The following TRAPPC4 variants were observed in gnomAD, a reference collection of about 807,000 sequenced individuals.
The protein encoded by TRAPPC4 is TRS23 homolog.
Under a neutral mutation model 23.5 loss-of-function variants are expected in TRAPPC4, and 30 were observed. The observed-to-expected ratio is 1.28, with a 90% CI of 0.96 to 1.73. The LOEUF (loss-of-function observed/expected upper bound fraction) is 1.73. TRAPPC4 is among the 40% of genes most tolerant of loss of function. TRAPPC4 has a pLI of 0.00. For synonymous variants in TRAPPC4, 129 were observed against 105.3 expected (o/e 1.23, Z -1.38); for missense variants, 252 against 268.9 (o/e 0.94, Z 0.44).
intron 2 of TRAPPC4, chr11:119,019,602 C>A (rs1183111822): frequency 8.2e-6 from 3 of 365,564 alleles, no homozygotes; most frequent in East Asian, 1.2e-4. Flanking sequence ...CCACCACGAC[C>A]AGCTAATTTT....
At position 119,024,029 on chromosome 11, in the gene TRAPPC4, CAA is replaced by C. The variant is rs55751043; in HGVS notation, c.*632_*633del. The stretch of plus-strand genomic sequence containing the variant: ...AAGAGATTTAGCAGACTTTCTGCCT[CAA>C]AGTTTCCAAGCTAGTTACTGACAGT... On this transcript the variant is annotated 3_prime_UTR_variant, in exon 5 of 5. Coordinates refer to ENST00000533632, the MANE Select transcript of TRAPPC4 (RefSeq NM_016146.6). The C allele has an allele frequency of 0.033, 5,106 of 152,792 alleles. 162 individuals are homozygous for C. The highest frequency in any genetic ancestry group is 0.072 in the African/African-American group (3,001 of 41,558). 9.5% of individuals were successfully genotyped at this position (152,792 alleles called of 1,614,324 possible).
At chr11:119,020,490 C>T (rs1322722386) in intron 3 of TRAPPC4, 3 of 397,038 alleles carry the variant, frequency 7.6e-6, no homozygotes, top group Non-Finnish European at 1.4e-5. Flanking sequence ...GCATGATCCG[C>T]CCCCTGGGTT....
rs1180500800 is a variant in TRAPPC4 at position 119,020,703 on chromosome 11, C to CTT, written c.454+469_454+470dup. ...GAGCCACCACACCCGACCCACAGTT[C>CTT]TTTTTTTTTTTTTTTTTTTTGAGAT... On this transcript the variant is annotated intron_variant, in intron 3 of 4. Transcript: ENST00000533632. The CTT allele has an allele frequency of 7.6e-3, 864 of 112,970 alleles. 31 individuals are homozygous for CTT. Among genetic ancestry groups the CTT allele is most frequent in the African/African-American group, 0.027 (749 of 27,742 alleles). 7.0% of individuals were successfully genotyped at this position (112,970 alleles called of 1,614,324 possible). A position where few individuals can be genotyped will look rare whatever the true frequency, so the allele number is the denominator to read the frequency against.
Position 119,021,851 on chromosome 11 carries a change from C to T in TRAPPC4, c.546C>T (p.Leu182=), listed in dbSNP as rs12494. 5 of 1,614,174 alleles carry T rather than the reference C, an allele frequency of 3.1e-6. No individual in the cohort carries two copies. Among genetic ancestry groups the T allele is most frequent in the Non-Finnish European group, 4.2e-6 (5 of 1,180,012 alleles). ...ATGAGATTTACTCAGACTTTGCCCT[C>T]AAGAATCCATTCTATTCCTTAGAAA... ...KIYEIYSDFA[L]KNPFYSLEMP... is the part of the protein sequence containing the mutation. The change falls in exon 4 of 5, where the codon CTC becomes CTT. Residue 182 remains leucine (L), a synonymous_variant. Coordinates refer to ENST00000533632, the MANE Select transcript of TRAPPC4 (RefSeq NM_016146.6).
At chr11:119,019,086 C>T (rs532004433) in intron 1 of TRAPPC4, 57 bp from the exon 2 acceptor site, 12 of 1,596,812 alleles carry the variant, frequency 7.5e-6, no homozygotes, top group South Asian at 4.5e-5. Flanking sequence ...GGTCCCTTGT[C>T]CCCTCGGCGG....
At chr11:119,019,051 G>A (rs1207095183) in intron 1 of TRAPPC4, 81 bp downstream of exon 1, 1 of 1,589,078 alleles carries the variant, frequency 6.3e-7, no homozygotes, top group Non-Finnish European at 8.6e-7. Context: ...GTAGGTGCGG[G>A]GTTGGGGGAA....
chr11:119,023,549 T>A lies in TRAPPC4; in HGVS notation c.*150T>A. On this transcript the variant is annotated 3_prime_UTR_variant, in exon 5 of 5. Coordinates refer to ENST00000533632, the MANE Select transcript of TRAPPC4 (RefSeq NM_016146.6). The stretch of plus-strand genomic sequence containing the variant: ...ATGACTTGTACTGATTCCTGAGCCT[T>A]AACACTGTGCTCTTTCCTTCTGTAT... 2 of 676,164 alleles carry A rather than the reference T, an allele frequency of 3.0e-6. No individual in the cohort carries two copies. The highest frequency in any genetic ancestry group is 5.3e-6 in the Non-Finnish European group (2 of 380,486). 41.9% of individuals were successfully genotyped at this position (676,164 alleles called of 1,614,324 possible). A position where few individuals can be genotyped will look rare whatever the true frequency, so the allele number is the denominator to read the frequency against.
chr11:119,023,379 A>G lies in TRAPPC4; in HGVS notation c.640A>G (p.Thr214Ala), dbSNP rs1351174366. Residue 214 changes from threonine to alanine, a missense_variant, in exon 5 of 5, where the codon ACT (threonine) becomes GCT (alanine). Physicochemically the swap from Thr to Ala is moderately conservative, Grantham distance 58. This residue lies in a region of TRAPPC4 where 21 missense variants were observed against 24.8 expected (regional missense o/e 0.85). Transcript: ENST00000533632. Reference sequence around the variant, plus strand: ...TCTGGAGGTGGCAGAGAAGGCTGGAACTTTTGGACCTGGGTCATAGGCTGA... The same window carrying G: ...TCTGGAGGTGGCAGAGAAGGCTGGAGCTTTTGGACCTGGGTCATAGGCTGA... ...LALEVAEKAG[T>A]FGPGS The G allele has an allele frequency of 6.2e-7, 1 of 1,614,062 alleles. No homozygotes were observed. The highest frequency in any genetic ancestry group is 8.5e-7 in the Non-Finnish European group (1 of 1,179,962).
intron 3 of TRAPPC4, chr11:119,020,703 CTT>C (rs1180500800): frequency 5.7e-4 from 64 of 112,990 alleles, no homozygotes; most frequent in South Asian, 2.9e-3. Context: ...ACCCACAGTT[CTT>C]TTTTTTTTTT....
chr11:119,019,711 G>C (rs1265738641), intron 2 of TRAPPC4: 2 of 208,542 alleles, frequency 9.6e-6, no homozygotes, highest in Non-Finnish European at 2.0e-5. Context: ...AAAGTGCTGG[G>C]ATTACAGGAG....
chr11:119,019,331 C>G lies in TRAPPC4; in HGVS notation c.350+14C>G. 1 of 1,603,374 alleles carries G rather than the reference C, an allele frequency of 6.2e-7. No homozygotes were observed. The highest frequency in any genetic ancestry group is 2.2e-5 in the East Asian group (1 of 44,574). On this transcript the variant is annotated intron_variant, in intron 2 of 4. Transcript: ENST00000533632. ...CATGTTCCACTCGTAAGTCCCCCGT[C>G]TCCTGAACGGCAGCGCTTGTAATTT...
At chr11:119,019,346 G>A (rs918327392) in intron 2 of TRAPPC4, 29 bp downstream of exon 2, 1 of 1,594,614 alleles carries the variant, frequency 6.3e-7, no homozygotes, top group East Asian at 2.2e-5. Context: ...GAACGGCAGC[G>A]CTTGTAATTT....
At chr11:119,023,224 C>A in intron 4 of TRAPPC4, 97 bp from the exon 5 acceptor site, 2 of 1,185,368 alleles carry the variant, frequency 1.7e-6, no homozygotes, top group Non-Finnish European at 2.5e-6. Context: ...CTCAGCCTTC[C>A]ATGATATATG....
At chr11:119,022,053 T>A (rs1417608594) in intron 4 of TRAPPC4, among the ~76,000 whole-genome samples, 167 bp downstream of exon 4, 1 of 152,204 alleles carries the variant, frequency 6.6e-6, no homozygotes, top group Non-Finnish European at 1.5e-5. Context: ...GATGCGATCT[T>A]GGCTCGCTGT....
rs1565680479 is a variant in TRAPPC4 at position 119,020,191 on chromosome 11, G to T, written c.392G>T (p.Ser131Ile). Residue 131 changes from serine to isoleucine, a missense_variant, in exon 3 of 5, where the codon AGC becomes ATC. Transcript: ENST00000533632. ...TCCCAGCTGTCTCCTGAACAGGGAA[G>T]CTCAGGCATTGAGATGCTGGAGACA... Reference protein sequence around the residue: ...IGSQLSPEQGSSGIEMLETDT... With the variant: ...IGSQLSPEQGISGIEMLETDT... 6.2e-7 allele frequency: 1 copy of T among 1,614,060 alleles called. No homozygotes were observed. The highest frequency in any genetic ancestry group is 8.5e-7 in the Non-Finnish European group (1 of 1,180,016).
intron 3 of TRAPPC4, chr11:119,021,364 A>C (rs1943354051): frequency 5.7e-6 from 1 of 175,128 alleles, no homozygotes; most frequent in Non-Finnish European, 1.2e-5. Context: ...GGAAGGTGTT[A>C]AGTGTTTTTC....
In TRAPPC4 at chr11:119,022,957, G is replaced by GTTTTTTTTTTTTTTTTTTTTT. The variant is rs71048033; in HGVS notation, c.582-361_582-341dup. The GTTTTTTTTTTTTTTTTTTTTT allele has an allele frequency of 9.4e-5, 8 of 85,496 alleles. 3 individuals are homozygous for GTTTTTTTTTTTTTTTTTTTTT. The highest frequency in any genetic ancestry group is 4.6e-4 in the South Asian group (1 of 2,182). 5.3% of individuals were successfully genotyped at this position (85,496 alleles called of 1,614,324 possible). A position where few individuals can be genotyped will look rare whatever the true frequency, so the allele number is the denominator to read the frequency against. ...TGTTTGTGGGGTTTTTTTTGTTGAT[G>GTTTTTTTTTTTTTTTTTTTTT]TTTTTTTTTTTTTTTTTTTTTTTGA... On this transcript the variant is annotated intron_variant, in intron 4 of 4. Transcript: ENST00000533632.
chr11:119,022,957 G>GT (rs71048033), intron 4 of TRAPPC4: 36,094 of 83,484 alleles, frequency 0.43, 8,761 homozygotes, highest in East Asian at 0.67. Context: ...TTTTGTTGAT[G>GT]TTTTTTTTTT....
rs185846319 is a variant in TRAPPC4 at position 119,019,444 on chromosome 11, C to T, written c.350+127C>T. On this transcript the variant is annotated intron_variant, in intron 2 of 4. Transcript: ENST00000533632. ...TTTTAGGTAATAACGGCAGTGGTGT[C>T]ATCTTTTTTTGCTGGGTGGGGAGGG... 4.2e-3 allele frequency: 4,565 copies of T among 1,075,206 alleles called. 30 individuals carry two copies. Among genetic ancestry groups the T allele is most frequent in the Admixed American group, 4.7e-3 (172 of 36,696 alleles). 66.6% of individuals were successfully genotyped at this position (1,075,206 alleles called of 1,614,324 possible).
Sources: allele counts gnomAD v4.1 joint callset (sites outside exome capture counted in the v4.1 genomes callset), GRCh38; gene constraint gnomAD v4.1.1; regional missense constraint gnomAD v4.1.1; transcripts MANE v1.5; gene names NCBI Gene and HGNC (gene_info 2026-07-23, HGNC 2026-07-21).